Variants in GRM1 observed in about 807,000 individuals in gnomAD.
GRM1 encodes metabotropic glutamate receptor 1.
In GRM1, 33 loss-of-function variants were observed where a neutral mutation model predicts 90.9. That is an observed-to-expected ratio of 0.36 (90% CI 0.28 to 0.49). GRM1 has a LOEUF of 0.49. Ranked by LOEUF, GRM1 falls within the 20% of genes least tolerant of loss-of-function variation. GRM1 has a pLI of 0.99. For synonymous variants in GRM1, 700 were observed against 613.2 expected, an observed-to-expected ratio of 1.14 and a Z score of -2.09; for missense variants, 1,190 against 1,534.3, an observed-to-expected ratio of 0.78 and a Z score of 3.75.
chr6:146,211,125 GAA>G (rs79645759), intron 2 of GRM1, among the ~76,000 whole-genome samples: 7 of 138,250 alleles, frequency 5.1e-5, no homozygotes, highest in Admixed American at 7.2e-5. Context: ...ATATAGGGAA[GAA>G]AAAAAAAAAA....
intron 3 of GRM1, among the ~76,000 whole-genome samples, chr6:146,323,000 C>T (rs1052544088): frequency 1.3e-5 from 2 of 152,104 alleles, no homozygotes; most frequent in Admixed American, 6.5e-5. Flanking sequence ...TCCAGTCTCT[C>T]GTTGTTGGAC....
chr6:146,312,067 T>G (rs568260656), intron 3 of GRM1, among the ~76,000 whole-genome samples: 31 of 152,108 alleles, frequency 2.0e-4, no homozygotes, highest in Admixed American at 3.3e-4. Flanking sequence ...TTAGGCCTGG[T>G]GCGGTGGCTC....
At chr6:146,159,748 T>TCCAGAACAG (rs761102485) in intron 2 of GRM1, 151 bp downstream of exon 2, 1 of 687,172 alleles carries the variant, frequency 1.5e-6, no homozygotes, top group Non-Finnish European at 2.5e-6. Flanking sequence ...GAGCTGAACA[T>TCCAGAACAG]TAGTTCTGGA....
chr6:146,313,619 AAC>A (rs1783849612), intron 3 of GRM1, among the ~76,000 whole-genome samples: 1 of 152,216 alleles, frequency 6.6e-6, no homozygotes, highest in Non-Finnish European at 1.5e-5. Context: ...CATAAAAAGT[AAC>A]AGTTGTTCAG....
intron 2 of GRM1, among the ~76,000 whole-genome samples, chr6:146,160,691 T>G (rs1361503335): frequency 6.6e-6 from 1 of 152,154 alleles, no homozygotes; most frequent in Non-Finnish European, 1.5e-5. Flanking sequence ...GTGTTTATAA[T>G]AATGACTGCA....
chr6:146,212,758 A>C (rs1207996628), intron 2 of GRM1, among the ~76,000 whole-genome samples: 3 of 152,120 alleles, frequency 2.0e-5, no homozygotes, highest in African/African-American at 7.2e-5. Flanking sequence ...TTAGCTGTAT[A>C]CCCCCATTTG....
intron 1 of GRM1, among the ~76,000 whole-genome samples, chr6:146,123,839 C>T (rs980614582): frequency 3.3e-5 from 5 of 152,154 alleles, no homozygotes; most frequent in Admixed American, 6.5e-5. Context: ...AGGTTTCTAG[C>T]GCTACCATGG....
At chr6:146,228,253 T>C (rs1457595954) in intron 2 of GRM1, among the ~76,000 whole-genome samples, 1 of 152,098 alleles carries the variant, frequency 6.6e-6, no homozygotes, top group South Asian at 2.1e-4. Flanking sequence ...GAAAAGAAAT[T>C]TGTTTATTAC....
At chr6:146,251,032 G>A (rs970994939) in intron 2 of GRM1, among the ~76,000 whole-genome samples, 5 of 152,138 alleles carry the variant, frequency 3.3e-5, no homozygotes, top group African/African-American at 1.2e-4. Context: ...TTTGATTAAT[G>A]AAGTTCTGGT....
intron 7 of GRM1, among the ~76,000 whole-genome samples, chr6:146,430,692 CTCT>C (rs1186103129): frequency 6.6e-6 from 1 of 152,218 alleles, no homozygotes; most frequent in South Asian, 2.1e-4. Context: ...ACATATTTTT[CTCT>C]TCTTAATATC....
intron 3 of GRM1, among the ~76,000 whole-genome samples, chr6:146,333,520 A>G (rs1417447555): frequency 6.6e-6 from 1 of 152,128 alleles, no homozygotes; most frequent in Non-Finnish European, 1.5e-5. Context: ...TGCTAATATA[A>G]TTTCTACCAG....
chr6:146,385,630 C>T (rs1236795826), intron 5 of GRM1, among the ~76,000 whole-genome samples: 2 of 151,606 alleles, frequency 1.3e-5, no homozygotes, highest in African/African-American at 4.8e-5. Context: ...ATTAAAAGAA[C>T]CAGAAATGTA....
At chr6:146,256,518 T>G (rs1312126432) in intron 2 of GRM1, among the ~76,000 whole-genome samples, 1 of 152,150 alleles carries the variant, frequency 6.6e-6, no homozygotes, top group Non-Finnish European at 1.5e-5. Context: ...CCCGAAATTT[T>G]GTAGAGGACA....
At chr6:146,182,989 GA>G (rs1432838408) in intron 2 of GRM1, among the ~76,000 whole-genome samples, 1 of 152,082 alleles carries the variant, frequency 6.6e-6, no homozygotes, top group Non-Finnish European at 1.5e-5. Flanking sequence ...TACTACAGTA[GA>G]AATGAAACTA....
In GRM1 at chr6:146,306,697, C is replaced by A. The variant is rs140199474; in HGVS notation, c.1186+1851C>A. Among the ~76,000 whole-genome samples, 3 of 152,062 alleles carry A rather than the reference C, an allele frequency of 2.0e-5. No individual in the cohort carries two copies. The East Asian group carries it at 5.8e-4, about 29-fold the overall frequency. On this transcript the variant is annotated intron_variant, in intron 3 of 7. Coordinates refer to ENST00000282753, the MANE Select transcript of GRM1 (RefSeq NM_001278064.2). The stretch of plus-strand genomic sequence containing the variant: ...GCCCAAGGAGAAGAGCAGTGAGGAG[C>A]CTACTGAAAAAGCAGGTGAAGGTGG...
chr6:146,430,588 A>C (rs1489844939), intron 7 of GRM1, among the ~76,000 whole-genome samples: 1 of 152,236 alleles, frequency 6.6e-6, no homozygotes, highest in Non-Finnish European at 1.5e-5. Context: ...GAAACGATTA[A>C]AGTTATCTGG....
At chr6:146,127,185 A>G (rs1161106709) in intron 1 of GRM1, among the ~76,000 whole-genome samples, 2 of 152,178 alleles carry the variant, frequency 1.3e-5, no homozygotes, top group Non-Finnish European at 2.9e-5. Context: ...CTGAAAATTG[A>G]TTTATAGTTT....
intron 7 of GRM1, among the ~76,000 whole-genome samples, chr6:146,411,656 T>C (rs1003504523): frequency 6.6e-6 from 1 of 152,056 alleles, no homozygotes; most frequent in Non-Finnish European, 1.5e-5. Context: ...AGGGAAGAGA[T>C]TACAGTGGCC....
At chr6:146,266,049 T>G (rs1334042468) in intron 2 of GRM1, among the ~76,000 whole-genome samples, 1 of 151,476 alleles carries the variant, frequency 6.6e-6, no homozygotes, top group Non-Finnish European at 1.5e-5. Context: ...ATTAGCCAGG[T>G]ATGGTGGTGC....
Sources: gnomAD v4.1 joint callset for allele counts (sites outside exome capture counted in the v4.1 genomes callset) on GRCh38, gnomAD v4.1.1 for gene constraint, MANE v1.5 for transcripts, NCBI Gene and HGNC (gene_info 2026-07-23, HGNC 2026-07-21) for gene names.